Variants in BST1 observed in about 807,000 individuals in gnomAD.
The protein encoded by BST1 is ADP-ribosyl cyclase/cyclic ADP-ribose hydrolase 2.
Under a neutral mutation model 40.6 loss-of-function variants are expected in BST1, and 49 were observed. The ratio of observed to expected loss-of-function variants is 1.21; its 90% CI spans 0.96 to 1.53. BST1 has a LOEUF of 1.53. Ranked by LOEUF, BST1 falls within the 40% of genes most tolerant of loss-of-function variation. The probability of loss-of-function intolerance (pLI) is 0.00; values close to 1 mark genes in which losing one functional copy is unlikely to be tolerated. For synonymous variants in BST1, 157 were observed against 159.3 expected (o/e 0.99, Z 0.11); for missense variants, 423 against 395.9 (o/e 1.07, Z -0.58).
At chr4:15,743,564 G>T in the BST1 span, 1 of 359,434 alleles carries the variant, frequency 2.8e-6, no homozygotes, top group South Asian at 2.3e-5. Flanking sequence ...GGGAGATGCT[G>T]ATGGCACAAA....
chr4:15,707,853 C>CTATATA (rs1427610773), intron 3 of BST1, among the ~76,000 whole-genome samples: 14 of 108,396 alleles, frequency 1.3e-4, no homozygotes, highest in East Asian at 4.5e-4. Flanking sequence ...CTCTCTCTCT[C>CTATATA]TCTATATATA....
chr4:15,748,373 C>T, the BST1 span, among the ~76,000 whole-genome samples: 4 of 152,254 alleles, frequency 2.6e-5, no homozygotes, highest in African/African-American at 9.6e-5. Flanking sequence ...CAAGGCTGTG[C>T]ACAGTTTCCA....
chr4:15,717,328 T>A (rs1324684836), intron 6 of BST1, among the ~76,000 whole-genome samples: 1 of 152,172 alleles, frequency 6.6e-6, no homozygotes, highest in Non-Finnish European at 1.5e-5. Context: ...ACACTCCCCC[T>A]CTATTAATTT....
chr4:15,718,777 T>C, intron 6 of BST1, 130 bp from the exon 7 acceptor site: 1 of 722,016 alleles, frequency 1.4e-6, no homozygotes, highest in South Asian at 2.0e-5. Flanking sequence ...ACCAGAGACA[T>C]TCCAGTTTTC....
At chr4:15,709,072 C>T (rs1720043712) in intron 3 of BST1, among the ~76,000 whole-genome samples, 1 of 152,094 alleles carries the variant, frequency 6.6e-6, no homozygotes. Context: ...AGACAATAAA[C>T]AGGCAAGTGA....
the BST1 span, among the ~76,000 whole-genome samples, chr4:15,767,217 CA>C: frequency 6.6e-6 from 1 of 152,266 alleles, no homozygotes; most frequent in East Asian, 1.9e-4. Flanking sequence ...CACAGAAAGC[CA>C]AAGGTGCTGG....
At chr4:15,767,272 C>G in the BST1 span, among the ~76,000 whole-genome samples, 2 of 151,972 alleles carry the variant, frequency 1.3e-5, no homozygotes, top group African/African-American at 4.8e-5. Context: ...TTGTGTACTT[C>G]TGGTGGCTGC....
chr4:15,712,008 C>T, intron 4 of BST1, 119 bp downstream of exon 4: 1 of 762,054 alleles, frequency 1.3e-6, no homozygotes, highest in South Asian at 1.6e-5. Flanking sequence ...TCACTTTCCA[C>T]TTTTACCACA....
intron 4 of BST1, among the ~76,000 whole-genome samples, chr4:15,714,197 C>G (rs1238091420): frequency 2.6e-5 from 4 of 152,162 alleles, no homozygotes; most frequent in African/African-American, 9.7e-5. Context: ...TATTTGGAAG[C>G]AATCTATGAC....
At chr4:15,705,760 G>C in intron 2 of BST1, 119 bp downstream of exon 2, 1 of 1,340,770 alleles carries the variant, frequency 7.5e-7, no homozygotes, top group Non-Finnish European at 1.1e-6. Context: ...GAAACATCAG[G>C]CAGCACACAT....
At chr4:15,735,478 C>A (rs11724635), downstream of BST1, among the ~76,000 whole-genome samples, 66,086 of 152,082 alleles carry the variant, frequency 0.43, 16,661 homozygotes, top group Middle Eastern at 0.59. Context: ...ACAAGGGAAG[C>A]TTAATAACAA....
At chr4:15,723,333 G>T in intron 8 of BST1, 1 of 160,440 alleles carries the variant, frequency 6.2e-6, no homozygotes, top group Non-Finnish European at 1.4e-5. Flanking sequence ...TGCAAGCTCC[G>T]CCTTCCGAGT....
At chr4:15,749,360 A>G in the BST1 span, among the ~76,000 whole-genome samples, 1 of 152,140 alleles carries the variant, frequency 6.6e-6, no homozygotes. Context: ...ACTTGATCCA[A>G]ATGCTTCACA....
In BST1 at chr4:15,731,896, C is replaced by T; in HGVS notation, c.*51C>T. The T allele has an allele frequency of 1.9e-6, 3 of 1,578,610 alleles. No homozygotes were observed. Among genetic ancestry groups the T allele is most frequent in the Non-Finnish European group, 2.6e-6 (3 of 1,161,428 alleles). On this transcript the variant is annotated 3_prime_UTR_variant, in exon 9 of 9. Transcript: ENST00000265016. ...CCTCCAGCCCTGCAGCCTCCCCTTGCAGTCATCATTCGTGTTCTGTGTATA... is the reference window on the plus strand; with the variant it reads ...CCTCCAGCCCTGCAGCCTCCCCTTGTAGTCATCATTCGTGTTCTGTGTATA...
At position 15,731,819 on chromosome 4, in the gene BST1, G is replaced by T; in HGVS notation, c.931G>T (p.Val311Leu). 2 of 1,613,496 alleles carry T rather than the reference G, an allele frequency of 1.2e-6. No homozygotes were observed. Among genetic ancestry groups the T allele is most frequent in the Non-Finnish European group, 1.7e-6 (2 of 1,179,788 alleles). ...GGGTCTTATCATTCCCCTCTTTCTG[G>T]TGCTGGCTTCCAGGACTCAACTGTA... Reference protein sequence around the residue: ...RAGLIIPLFLVLASRTQL With the variant: ...RAGLIIPLFLLLASRTQL Residue 311 changes from valine to leucine, a missense_variant, in exon 9 of 9, where the codon GTG (valine) becomes TTG (leucine). Coordinates refer to ENST00000265016, the MANE Select transcript of BST1 (RefSeq NM_004334.3).
chr4:15,729,274 A>T (rs1441099569), intron 8 of BST1, among the ~76,000 whole-genome samples: 1 of 152,156 alleles, frequency 6.6e-6, no homozygotes, highest in African/African-American at 2.4e-5. Context: ...CAACATGGCG[A>T]GACCCCGCCT....
intron 7 of BST1, 113 bp downstream of exon 7, chr4:15,719,106 C>T (rs1720667635): frequency 1.4e-5 from 12 of 879,268 alleles, no homozygotes; most frequent in Middle Eastern, 2.4e-4. Context: ...TGGTGTCTTC[C>T]GGGTGGCTTC....
chr4:15,715,490 A>G, intron 5 of BST1, 129 bp downstream of exon 5: 1 of 982,920 alleles, frequency 1.0e-6, no homozygotes, highest in Non-Finnish European at 1.5e-6. Context: ...CAGGTAAAGC[A>G]AAACAGATGA....
downstream of BST1, among the ~76,000 whole-genome samples, chr4:15,738,801 C>CT: frequency 6.6e-6 from 1 of 152,274 alleles, no homozygotes; most frequent in African/African-American, 2.4e-5. Flanking sequence ...TGAACACTAG[C>CT]TTTTTTTATT....
Sources: allele counts gnomAD v4.1 joint callset (sites outside exome capture counted in the v4.1 genomes callset), GRCh38; gene constraint gnomAD v4.1.1; transcripts MANE v1.5; gene names NCBI Gene and HGNC (gene_info 2026-07-23, HGNC 2026-07-21).